The following JPH2 variants were observed in gnomAD, a reference collection of about 807,000 sequenced individuals.
JPH2 encodes junctophilin-2.
Under a neutral mutation model 55.9 loss-of-function variants are expected in JPH2, and 38 were observed. The observed-to-expected ratio is 0.68, with a 90% CI of 0.52 to 0.89. The LOEUF (loss-of-function observed/expected upper bound fraction) is 0.89. JPH2 is among the 40% of genes least tolerant of loss of function. The probability of loss-of-function intolerance (pLI) is 0.00; values close to 1 mark genes in which losing one functional copy is unlikely to be tolerated. For missense variants in JPH2, 964 were observed against 1,037.6 expected (o/e 0.93, Z 0.97); for synonymous variants, 480 against 472.4 (o/e 1.02, Z -0.21).
At position 44,108,632 on chromosome 20, in the gene JPH2, C is replaced by CAAA. The variant is rs10630926; in HGVS notation, c.*4883_*4885dup. On this transcript the variant is annotated 3_prime_UTR_variant, in exon 6 of 6. Coordinates refer to ENST00000372980, the MANE Select transcript of JPH2 (RefSeq NM_020433.5). ...TGGGTGACAGAATGAGACTCTGTCT[C>CAAA]AAAAAAAAAAAAAAAGAAAAGAGGA... Among the ~76,000 whole-genome samples the CAAA allele has an allele frequency of 5.6e-3, 709 of 127,016 alleles. 3 individuals carry two copies. Among genetic ancestry groups the CAAA allele is most frequent in the African/African-American group, 0.014 (494 of 35,556 alleles). 83.3% of individuals were successfully genotyped at this position (127,016 alleles called of 152,430 possible). A position where few individuals can be genotyped will look rare whatever the true frequency, so the allele number is the denominator to read the frequency against.
rs552945974 is a variant in JPH2, at chr20:44,111,097, C to A, written c.*2421G>T. On this transcript the variant is annotated 3_prime_UTR_variant, in exon 6 of 6. Coordinates refer to ENST00000372980, the MANE Select transcript of JPH2 (RefSeq NM_020433.5). Reference sequence around the variant, plus strand: ...CTGTGTGCGTGACCTTGGGCAAGTCCCTCTGCTCTAAGCCTCTGTGGAATG... The same window carrying A: ...CTGTGTGCGTGACCTTGGGCAAGTCACTCTGCTCTAAGCCTCTGTGGAATG... 6.6e-5 allele frequency among the ~76,000 whole-genome samples: 10 copies of A among 152,316 alleles called. No homozygotes were observed. Among genetic ancestry groups the A allele is most frequent in the African/African-American group, 2.2e-4 (9 of 41,556 alleles).
intron 2 of JPH2, among the ~76,000 whole-genome samples, chr20:44,131,232 G>A (rs2145850431): frequency 6.6e-6 from 1 of 152,306 alleles, no homozygotes; most frequent in African/African-American, 2.4e-5. Context: ...CTTTGCTGAA[G>A]CAAGCTGCCA....
At chr20:44,134,264 T>A in intron 2 of JPH2, among the ~76,000 whole-genome samples, 1 of 37,190 alleles carries the variant, frequency 2.7e-5, no homozygotes, top group Non-Finnish European at 4.5e-5. Flanking sequence ...TAAATAAATA[T>A]TTATTATATA....
At chr20:44,182,114 T>C (rs1278355596) in intron 1 of JPH2, among the ~76,000 whole-genome samples, 1 of 152,098 alleles carries the variant, frequency 6.6e-6, no homozygotes, top group Non-Finnish European at 1.5e-5. Context: ...TAAGGTTTGG[T>C]GAGTTTAAAT....
At chr20:44,129,206 T>C (rs2072297650) in intron 2 of JPH2, among the ~76,000 whole-genome samples, 1 of 152,000 alleles carries the variant, frequency 6.6e-6, no homozygotes, top group Admixed American at 6.6e-5. Flanking sequence ...CCTCCTCTAG[T>C]GAGGGAGTGG....
At chr20:44,135,595 C>T (rs1395361515) in intron 2 of JPH2, among the ~76,000 whole-genome samples, 1 of 152,200 alleles carries the variant, frequency 6.6e-6, no homozygotes, top group Non-Finnish European at 1.5e-5. Flanking sequence ...GTGAGTCCCA[C>T]AAGGGGCAGA....
At chr20:44,178,048 A>C in intron 1 of JPH2, 2 of 791,344 alleles carry the variant, frequency 2.5e-6, no homozygotes, top group Non-Finnish European at 4.7e-6. Flanking sequence ...GAACCGGCAC[A>C]GCTGGGATTT....
At chr20:44,175,598 C>T (rs1396674603) in intron 1 of JPH2, among the ~76,000 whole-genome samples, 2 of 152,172 alleles carry the variant, frequency 1.3e-5, no homozygotes, top group African/African-American at 4.8e-5. Flanking sequence ...GGACCAGCTC[C>T]CAGGAGCAGG....
At position 44,110,813 on chromosome 20, in the gene JPH2, T is replaced by A. The variant is rs1187148424; in HGVS notation, c.*2705A>T. Among the ~76,000 whole-genome samples the A allele has an allele frequency of 6.6e-6, 1 of 152,094 alleles. No individual in the cohort carries two copies. The highest frequency in any genetic ancestry group is 1.5e-5 in the Non-Finnish European group (1 of 68,018). On this transcript the variant is annotated 3_prime_UTR_variant, in exon 6 of 6. Transcript: ENST00000372980. ...TATGAGGAAGACCATGGGGCAGGGA[T>A]TAGAGTCTCCTCAGCAGAAGAGGAA...
chr20:44,135,549 G>C (rs1004790168), intron 2 of JPH2, among the ~76,000 whole-genome samples: 3 of 152,106 alleles, frequency 2.0e-5, no homozygotes, highest in Admixed American at 6.6e-5. Flanking sequence ...CCTGCATTTC[G>C]CTTCCAAGGT....
chr20:44,159,730 G>A lies in JPH2; in HGVS notation c.1057C>T (p.Arg353Cys), dbSNP rs749245252. The change falls in exon 2 of 6, where the codon CGC (arginine) becomes TGC (cysteine). Residue 353 changes from arginine to cysteine, a missense_variant. By Grantham distance (180) the Arg-to-Cys change is radical (BLOSUM62 -3). Coordinates refer to ENST00000372980, the MANE Select transcript of JPH2 (RefSeq NM_020433.5). The surrounding 1 kb of genome is among the most constrained non-coding windows in gnomAD (Gnocchi z 5.7). The stretch of plus-strand genomic sequence containing the variant: ...TTGTTGCTCTTGAGCTGCAGCATGC[G>A]GCGCTTGGTGTCCTTGACCAGCACG... Reference protein sequence around the residue: ...HNVLVKDTKRRMLQLKSNKVR... With the variant: ...HNVLVKDTKRCMLQLKSNKVR... The A allele has an allele frequency of 3.1e-6, 5 of 1,613,656 alleles. No homozygotes were observed. The highest frequency in any genetic ancestry group is 1.6e-4 in the Middle Eastern group (1 of 6,062).
chr20:44,179,892 C>T (rs1348903345), intron 1 of JPH2, among the ~76,000 whole-genome samples: 3 of 152,200 alleles, frequency 2.0e-5, no homozygotes, highest in Non-Finnish European at 4.4e-5. Flanking sequence ...GGAGCCGTAA[C>T]TACTTCTCCA....
chr20:44,122,021 A>C (rs2057028), intron 2 of JPH2, among the ~76,000 whole-genome samples: 12,785 of 152,124 alleles, frequency 0.084, 597 homozygotes, highest in Non-Finnish European at 0.1. Flanking sequence ...AATTCACCCA[A>C]GCTTACATAG....
At chr20:44,127,417 T>C (rs2072284785) in intron 2 of JPH2, among the ~76,000 whole-genome samples, 1 of 152,290 alleles carries the variant, frequency 6.6e-6, no homozygotes. Context: ...TATTATCATA[T>C]TATGTTCCAT....
At chr20:44,148,364 G>A (rs993385112) in intron 2 of JPH2, among the ~76,000 whole-genome samples, 4 of 152,108 alleles carry the variant, frequency 2.6e-5, no homozygotes, top group Admixed American at 1.3e-4. Flanking sequence ...TGGTGGGACT[G>A]GAAATGGATG....
chr20:44,173,402 C>T (rs6130553), intron 1 of JPH2, among the ~76,000 whole-genome samples: 29,362 of 152,034 alleles, frequency 0.19, 3,474 homozygotes, highest in African/African-American at 0.33. Flanking sequence ...AAGCCAGCTT[C>T]GACTTCCTAT....
In JPH2 at chr20:44,186,307, G is replaced by T; in HGVS notation, c.379+20C>A. On this transcript the variant is annotated intron_variant, in intron 1 of 5. Transcript: ENST00000372980. ...CTCCCTGGCTCCACCCCACCTCTGC[G>T]GGCCCCCAGCTGGCCTCACCTCCAT... The T allele has an allele frequency of 6.2e-7, 1 of 1,607,968 alleles. No homozygotes were observed. The highest frequency in any genetic ancestry group is 8.5e-7 in the Non-Finnish European group (1 of 1,179,610).
Position 44,118,546 on chromosome 20 carries a change from C to A in JPH2, c.1247G>T (p.Arg416Leu), listed in dbSNP as rs190802013. Reference protein sequence around the residue: ...LAANQESNIARTLARELAPDF... With the variant: ...LAANQESNIALTLARELAPDF... ...CGGAGCCAGCTCCCTGGCCAAAGTG[C>A]GAGCAATGTTGGACTCCTGGTTGGC... The change falls in exon 3 of 6, where the codon CGC (arginine) becomes CTC (leucine). Residue 416 changes from arginine (R) to leucine (L), a missense_variant. Coordinates refer to ENST00000372980, the MANE Select transcript of JPH2 (RefSeq NM_020433.5). 10 of 1,613,236 alleles carry A rather than the reference C, an allele frequency of 6.2e-6. No individual in the cohort carries two copies. Among genetic ancestry groups the A allele is most frequent in the African/African-American group, 2.7e-5 (2 of 74,934 alleles).
intron 2 of JPH2, among the ~76,000 whole-genome samples, chr20:44,125,742 G>A: frequency 6.6e-6 from 1 of 152,168 alleles, no homozygotes; most frequent in East Asian, 1.9e-4. Flanking sequence ...TGGCCAGATT[G>A]CCCGGGTGCA....
Sources: allele counts gnomAD v4.1 joint callset (sites outside exome capture counted in the v4.1 genomes callset), GRCh38; gene constraint gnomAD v4.1.1; non-coding constraint Gnocchi (gnomAD v3.1); transcripts MANE v1.5; gene names NCBI Gene and HGNC (gene_info 2026-07-23, HGNC 2026-07-21).